The following DGKB variants were observed in gnomAD, a reference collection of about 807,000 sequenced individuals.
DGKB encodes diacylglycerol kinase beta, also known as 90 kDa diacylglycerol kinase.
DGKB carries 67 observed loss-of-function variants against 114.3 expected under a neutral mutation model. That is an observed-to-expected ratio of 0.59 (90% confidence interval 0.48 to 0.72). DGKB has a LOEUF of 0.72. Among genes scored for constraint, DGKB ranks in the 30% least tolerant of loss-of-function variants. The probability of loss-of-function intolerance (pLI) is 0.00; values close to 1 mark genes in which losing one functional copy is unlikely to be tolerated. For synonymous variants in DGKB, 398 were observed against 323.1 expected (o/e 1.23, Z -2.49); for missense variants, 907 against 975.2 (o/e 0.93, Z 0.93).
chr7:14,203,556 A>C (rs1012867768), intron 23 of DGKB, among the ~76,000 whole-genome samples: 4 of 151,998 alleles, frequency 2.6e-5, no homozygotes, highest in Non-Finnish European at 5.9e-5. Flanking sequence ...CCTAGAGGTG[A>C]ATAAATCTGC....
intron 13 of DGKB, among the ~76,000 whole-genome samples, chr7:14,657,397 G>A (rs1164778761): frequency 1.3e-5 from 2 of 151,758 alleles, no homozygotes; most frequent in African/African-American, 4.8e-5. Flanking sequence ...TTACTATGAT[G>A]ACAATTATGA....
chr7:14,397,386 C>A (rs1034941062), intron 21 of DGKB, among the ~76,000 whole-genome samples: 6 of 152,074 alleles, frequency 3.9e-5, no homozygotes, highest in African/African-American at 1.2e-4. Context: ...ATATTTGCAC[C>A]TTTCCCTTTT....
In DGKB at chr7:14,465,984, A is replaced by G. The variant is rs571751613; in HGVS notation, c.1835+12177T>C. 3.3e-5 allele frequency among the ~76,000 whole-genome samples: 5 copies of G among 151,986 alleles called. No individual in the cohort carries two copies. The East Asian group carries it at 9.7e-4, about 29-fold the overall frequency. On this transcript the variant is annotated intron_variant, in intron 21 of 25. Coordinates refer to ENST00000402815, the MANE Select transcript of DGKB (RefSeq NM_001350709.2). ...GCATGAGTTGGAAGTAGACGTTTGC[A>G]TGTGCACACAAGCTGGCCTAAGAAC...
At position 14,864,286 on chromosome 7, in the gene DGKB, T is replaced by C. The variant is rs183335046; in HGVS notation, c.-187-22836A>G. ...CTTAAATAGCAGAATCTATGTCAAATATTCACCAAAAAACAATAAAAACAA... is the reference window on the plus strand; with the variant it reads ...CTTAAATAGCAGAATCTATGTCAAACATTCACCAAAAAACAATAAAAACAA... On this transcript the variant is annotated intron_variant, in intron 1 of 25. Coordinates refer to ENST00000402815, the MANE Select transcript of DGKB (RefSeq NM_001350709.2). Among the ~76,000 whole-genome samples the C allele has an allele frequency of 1.1e-3, 164 of 152,292 alleles. 1 individual carries two copies. The highest frequency in any genetic ancestry group is 2.7e-3 in the Admixed American group (42 of 15,290).
At chr7:14,819,461 A>C (rs1369771787) in intron 2 of DGKB, among the ~76,000 whole-genome samples, 1 of 152,188 alleles carries the variant, frequency 6.6e-6, no homozygotes, top group African/African-American at 2.4e-5. Flanking sequence ...ATGGTGGCCT[A>C]TGCCTGTGGT....
intron 1 of DGKB, among the ~76,000 whole-genome samples, chr7:14,870,093 C>T (rs773315072): frequency 1.8e-4 from 28 of 152,130 alleles, no homozygotes; most frequent in Non-Finnish European, 2.9e-4. Flanking sequence ...GTCTTATTCA[C>T]ATGTATGGAT....
At chr7:14,912,679 G>A (rs1381386555) in intron 1 of DGKB, among the ~76,000 whole-genome samples, 2 of 152,076 alleles carry the variant, frequency 1.3e-5, no homozygotes, top group Admixed American at 6.6e-5. Flanking sequence ...CTAAGTGGAC[G>A]CCAGTGTCAA....
At chr7:14,853,929 T>A (rs186238374) in intron 1 of DGKB, among the ~76,000 whole-genome samples, 1 of 150,590 alleles carries the variant, frequency 6.6e-6, no homozygotes, top group African/African-American at 2.4e-5. Context: ...AAACCTCACA[T>A]GACATTCTAT....
chr7:14,312,260 T>C (rs541435847), intron 23 of DGKB, among the ~76,000 whole-genome samples: 1 of 152,158 alleles, frequency 6.6e-6, no homozygotes, highest in South Asian at 2.1e-4. Context: ...TGGTCCATTA[T>C]ATCAGCAGTT....
chr7:14,863,957 G>C (rs949629907), intron 1 of DGKB, among the ~76,000 whole-genome samples: 2 of 152,030 alleles, frequency 1.3e-5, no homozygotes, highest in African/African-American at 4.8e-5. Flanking sequence ...AAATTAGCCA[G>C]GCGTGGTGGC....
At chr7:14,628,078 T>C (rs138023479) in intron 14 of DGKB, among the ~76,000 whole-genome samples, 3 of 152,146 alleles carry the variant, frequency 2.0e-5, no homozygotes, top group African/African-American at 7.2e-5. Flanking sequence ...AGGAGGCAGC[T>C]CTCTTATGCT....
chr7:14,505,529 A>G (rs1584445330), intron 20 of DGKB, among the ~76,000 whole-genome samples: 5 of 152,142 alleles, frequency 3.3e-5, no homozygotes, highest in African/African-American at 1.2e-4. Context: ...ACTCACTTCT[A>G]CCTTTCACAA....
In DGKB at chr7:14,446,116, G is replaced by C. The variant is rs190003886; in HGVS notation, c.1835+32045C>G. Among the ~76,000 whole-genome samples the C allele has an allele frequency of 6.0e-4, 91 of 152,126 alleles. 1 individual carries two copies. Among genetic ancestry groups the C allele is most frequent in the African/African-American group, 2.2e-3 (90 of 41,520 alleles). ...AATACTTCTTGCAATCTCTTGTTTA[G>C]TCAATGTATTAGGTACTTCATGAAG... is the stretch of plus-strand genomic sequence containing the variant. On this transcript the variant is annotated intron_variant, in intron 21 of 25. Coordinates refer to ENST00000402815, the MANE Select transcript of DGKB (RefSeq NM_001350709.2).
At chr7:14,307,043 A>T (rs1804591126) in intron 23 of DGKB, among the ~76,000 whole-genome samples, 1 of 143,484 alleles carries the variant, frequency 7.0e-6, no homozygotes, top group Non-Finnish European at 1.6e-5. Context: ...TTCTCATTAT[A>T]GCACTTATCA....
At chr7:14,698,789 C>T (rs1824568685) in intron 7 of DGKB, among the ~76,000 whole-genome samples, 1 of 152,006 alleles carries the variant, frequency 6.6e-6, no homozygotes, top group South Asian at 2.1e-4. Flanking sequence ...GATGACCTGG[C>T]TAAATTAATT....
intron 23 of DGKB, among the ~76,000 whole-genome samples, chr7:14,187,774 T>A (rs1783666787): frequency 6.6e-6 from 1 of 152,046 alleles, no homozygotes; most frequent in Admixed American, 6.5e-5. Context: ...TTCACAGATA[T>A]AAATGTAGGG....
At chr7:14,188,273 G>A (rs564407480) in intron 23 of DGKB, among the ~76,000 whole-genome samples, 17 of 152,152 alleles carry the variant, frequency 1.1e-4, no homozygotes, top group Non-Finnish European at 1.9e-4. Context: ...GGAAAGAGAC[G>A]GAGAAAAGCA....
intron 1 of DGKB, among the ~76,000 whole-genome samples, chr7:14,968,718 G>A (rs1174875236): frequency 6.6e-6 from 1 of 152,112 alleles, no homozygotes; most frequent in African/African-American, 2.4e-5. Context: ...CTTTGCTCTG[G>A]AAAAGCAGAC....
intron 10 of DGKB, among the ~76,000 whole-genome samples, chr7:14,683,583 G>A (rs893628768): frequency 2.6e-5 from 4 of 151,924 alleles, no homozygotes; most frequent in Non-Finnish European, 5.9e-5. Context: ...TATGATTTAG[G>A]GTCAACTACA....
Sources: gnomAD v4.1 joint callset for allele counts (sites outside exome capture counted in the v4.1 genomes callset) on GRCh38, gnomAD v4.1.1 for gene constraint, MANE v1.5 for transcripts, NCBI Gene and HGNC (gene_info 2026-07-23, HGNC 2026-07-21) for gene names.